PAM: variants seen among roughly 807,000 people sequenced by gnomAD.
PAM encodes the protein peptidyl-glycine alpha-amidating monooxygenase.
PAM carries 72 observed loss-of-function variants against 122.1 expected under a neutral mutation model. The observed-to-expected ratio is 0.59, with a 90% CI of 0.49 to 0.72. The LOEUF is 0.72. Ranked by LOEUF, PAM falls within the 30% of genes least tolerant of loss-of-function variation. PAM has a pLI of 0.00. For missense variants in PAM, 1,106 were observed against 1,183.7 expected, an observed-to-expected ratio of 0.93 and a Z score of 0.96; for synonymous variants, 389 against 404.4, an observed-to-expected ratio of 0.96 and a Z score of 0.46.
intron 3 of PAM, 147 bp from the exon 4 acceptor site, chr5:102,901,209 T>C (rs2151407064): frequency 1.8e-6 from 1 of 555,814 alleles, no homozygotes; most frequent in Non-Finnish European, 3.3e-6. Context: ...GGACTTAGCC[T>C]TTCCATTAAC....
chr5:102,900,267 G>GC (rs1345915024), intron 3 of PAM, among the ~76,000 whole-genome samples: 4 of 103,604 alleles, frequency 3.9e-5, no homozygotes, highest in African/African-American at 1.5e-4. Flanking sequence ...GGGGGGGGCG[G>GC]GGGGAAGAGG....
Position 103,007,614 on chromosome 5 carries a change from T to C in PAM, c.2172T>C (p.His724=), listed in dbSNP as rs748433228. 2.2e-5 allele frequency: 35 copies of C among 1,613,310 alleles called. No individual in the cohort carries two copies. In the East Asian group the frequency reaches 7.6e-4, roughly 35 times the overall value. ...DTKEFVREIK[H]SSFGRNVFAI... is the part of the protein sequence containing the mutation. ...AAGAATTTGTGAGAGAGATTAAGCA[T>C]TCATCATTTGGAAGAAATGTATTTG... is the stretch of plus-strand genomic sequence containing the variant. Residue 724 remains histidine, a synonymous_variant, in exon 20 of 26, where the codon CAT becomes CAC. Transcript: ENST00000438793.
intron 4 of PAM, among the ~76,000 whole-genome samples, chr5:102,912,575 C>T (rs1801716900): frequency 6.6e-6 from 1 of 151,862 alleles, no homozygotes; most frequent in South Asian, 2.1e-4. Flanking sequence ...CTTCTTTCTT[C>T]TGTTTCTCTT....
chr5:102,932,847 A>T (rs1581847314), intron 7 of PAM, among the ~76,000 whole-genome samples: 1 of 151,928 alleles, frequency 6.6e-6, no homozygotes, highest in Admixed American at 6.6e-5. Flanking sequence ...TTGTGCTATG[A>T]TTTCTTTCCA....
intron 4 of PAM, among the ~76,000 whole-genome samples, chr5:102,912,909 G>A (rs2151557886): frequency 6.6e-6 from 1 of 152,138 alleles, no homozygotes; most frequent in South Asian, 2.1e-4. Context: ...GGCACATAGT[G>A]CTATGTTTTT....
At chr5:103,028,137 G>T in intron 24 of PAM, 48 bp from the exon 25 acceptor site, 1 of 1,472,540 alleles carries the variant, frequency 6.8e-7, no homozygotes, top group South Asian at 1.1e-5. Flanking sequence ...CATGGGTTGA[G>T]AAAGATGACT....
At chr5:102,892,491 A>G (rs1458453748) in intron 3 of PAM, among the ~76,000 whole-genome samples, 2 of 151,822 alleles carry the variant, frequency 1.3e-5, no homozygotes, top group Non-Finnish European at 2.9e-5. Flanking sequence ...GACCTCTTAC[A>G]TGTGACTGAG....
At chr5:102,923,835 G>A (rs1187783781) in intron 5 of PAM, among the ~76,000 whole-genome samples, 3 of 152,144 alleles carry the variant, frequency 2.0e-5, no homozygotes, top group Non-Finnish European at 4.4e-5. Context: ...CTGTCTTTCT[G>A]CCTGGGTGCT....
At chr5:102,788,432 C>T (rs571546018) in intron 1 of PAM, among the ~76,000 whole-genome samples, 1 of 151,994 alleles carries the variant, frequency 6.6e-6, no homozygotes, top group Non-Finnish European at 1.5e-5. Context: ...CATAATAACT[C>T]TATTTATTTT....
intron 1 of PAM, among the ~76,000 whole-genome samples, chr5:102,795,214 A>AAAAAAAAAAAAAAG (rs1241209233): frequency 7.2e-6 from 1 of 139,340 alleles, no homozygotes; most frequent in African/African-American, 2.7e-5. Context: ...AAAAAAAAAG[A>AAAAAAAAAAAAAAG]AGAGAAGAAA....
At position 102,779,918 on chromosome 5, in the gene PAM, T is replaced by TATATATATATATATACAC. The variant is rs147065045; in HGVS notation, c.-374+24571_-374+24572insTATATATATATATACACA. 3.3e-4 allele frequency among the ~76,000 whole-genome samples: 32 copies of TATATATATATATATACAC among 95,652 alleles called. 1 individual carries two copies. The highest frequency in any genetic ancestry group is 1.2e-3 in the African/African-American group (27 of 22,064). 62.8% of individuals were successfully genotyped at this position (95,652 alleles called of 152,430 possible). Reference sequence around the variant, plus strand: ...ATATATATATATATATATATATATATACACACATATATATATGTATATATC... The same window carrying TATATATATATATATACAC: ...ATATATATATATATATATATATATATATATATATATATATACACACACACATATATATATGTATATATC... On this transcript the variant is annotated intron_variant, in intron 1 of 25. Transcript: ENST00000438793.
At chr5:102,826,442 T>C (rs1391226685) in intron 1 of PAM, among the ~76,000 whole-genome samples, 1 of 152,220 alleles carries the variant, frequency 6.6e-6, no homozygotes, top group Admixed American at 6.5e-5. Flanking sequence ...GTTTTGTTGG[T>C]GGATTTGGTA....
chr5:102,824,768 G>A (rs32683), intron 1 of PAM, among the ~76,000 whole-genome samples: 104,289 of 152,084 alleles, frequency 0.69, 36,027 homozygotes, highest in South Asian at 0.8. Context: ...TTTTATGGAC[G>A]TAGAAACAAA....
intron 14 of PAM, among the ~76,000 whole-genome samples, chr5:102,972,864 G>A (rs1766318379): frequency 6.6e-6 from 1 of 152,146 alleles, no homozygotes; most frequent in South Asian, 2.1e-4. Context: ...GGGATAAGCT[G>A]ATTTCACTGG....
chr5:102,828,784 T>G (rs908255063), intron 1 of PAM, among the ~76,000 whole-genome samples: 1 of 152,210 alleles, frequency 6.6e-6, no homozygotes, highest in African/African-American at 2.4e-5. Flanking sequence ...GGTTGTTGGC[T>G]TGTTTACTTT....
At position 103,007,632 on chromosome 5, in the gene PAM, T is replaced by A. The variant is rs1366877774; in HGVS notation, c.2190T>A (p.Asn730Lys). The A allele has an allele frequency of 6.2e-7, 1 of 1,610,986 alleles. No homozygotes were observed. Among genetic ancestry groups the A allele is most frequent in the South Asian group, 1.1e-5 (1 of 91,012 alleles). Residue 730 changes from asparagine to lysine, a missense_variant, in exon 20 of 26, where the codon AAT becomes AAA. Asn to Lys is a moderately conservative substitution (Grantham distance 94). This residue lies in a region of PAM where 333 missense variants were observed against 335.6 expected (regional missense o/e 0.99). Coordinates refer to ENST00000438793, the MANE Select transcript of PAM (RefSeq NM_001177306.2). ...REIKHSSFGR[N>K]VFAISYIPGL... ...TTAAGCATTCATCATTTGGAAGAAA[T>A]GTATTTGCAATTTCATATATACCAG...
chr5:102,828,918 GTTTTTTTTTTT>G (rs58045947), intron 1 of PAM, among the ~76,000 whole-genome samples: 5 of 126,034 alleles, frequency 4.0e-5, no homozygotes, highest in Non-Finnish European at 8.3e-5. Context: ...CTACCTCAGG[GTTTTTTTTTTT>G]TTTTTTTTGA....
At chr5:102,907,710 C>T (rs916221966) in intron 4 of PAM, among the ~76,000 whole-genome samples, 69 of 152,150 alleles carry the variant, frequency 4.5e-4, no homozygotes, top group South Asian at 1.5e-3. Context: ...ATTTGCATTT[C>T]TCTGATGGCC....
chr5:103,010,743 A>T (rs1434294091), intron 21 of PAM, among the ~76,000 whole-genome samples: 3 of 152,168 alleles, frequency 2.0e-5, no homozygotes, highest in Non-Finnish European at 4.4e-5. Flanking sequence ...AAAAACTTTA[A>T]AATGCCTCAA....
Sources: allele counts gnomAD v4.1 joint callset (sites outside exome capture counted in the v4.1 genomes callset), GRCh38; gene constraint gnomAD v4.1.1; regional missense constraint gnomAD v4.1.1; transcripts MANE v1.5; gene names NCBI Gene and HGNC (gene_info 2026-07-23, HGNC 2026-07-21).